TTLL7: variants seen among roughly 807,000 people sequenced by gnomAD.
TTLL7 encodes tubulin polyglutamylase TTLL7.
TTLL7 carries 53 observed loss-of-function variants against 120.2 expected under a neutral mutation model. The observed-to-expected ratio is 0.44, with a 90% CI of 0.35 to 0.55. TTLL7 has a LOEUF of 0.55. Among genes scored for constraint, TTLL7 ranks in the 20% least tolerant of loss-of-function variants. The pLI is 0.00. For synonymous variants in TTLL7, 353 were observed against 351.7 expected, an observed-to-expected ratio of 1.00 and a Z score of -0.04; for missense variants, 803 against 1,054.7, an observed-to-expected ratio of 0.76 and a Z score of 3.31.
At chr1:83,904,507 T>C (rs1657020742) in intron 17 of TTLL7, among the ~76,000 whole-genome samples, 1 of 152,040 alleles carries the variant, frequency 6.6e-6, no homozygotes, top group African/African-American at 2.4e-5. Flanking sequence ...TGGTAGTGCA[T>C]GCCTGTAATC....
chr1:83,870,367 C>T (rs1653253287), intron 20 of TTLL7, among the ~76,000 whole-genome samples: 1 of 152,182 alleles, frequency 6.6e-6, no homozygotes, highest in African/African-American at 2.4e-5. Flanking sequence ...AATTCATTAT[C>T]AGTCCTTGTA....
At chr1:83,937,377 A>AT (rs1008343546) in intron 8 of TTLL7, among the ~76,000 whole-genome samples, 11 of 151,840 alleles carry the variant, frequency 7.2e-5, no homozygotes, top group African/African-American at 2.7e-4. Context: ...AATTTTTTAT[A>AT]TTTTTGGTAA....
chr1:83,883,847 T>C (rs1654732037), intron 19 of TTLL7, among the ~76,000 whole-genome samples: 2 of 152,062 alleles, frequency 1.3e-5, no homozygotes, highest in South Asian at 2.1e-4. Context: ...CAAAACACTT[T>C]CAGACATAAC....
chr1:83,965,975 A>T (rs974038714), intron 1 of TTLL7, among the ~76,000 whole-genome samples: 13 of 152,124 alleles, frequency 8.5e-5, no homozygotes, highest in Admixed American at 2.0e-4. Flanking sequence ...AATTAAGATT[A>T]TGAATAAAGG....
In TTLL7 at chr1:83,904,003, T is replaced by A. The variant is rs956003242; in HGVS notation, c.2208+76A>T. Reference sequence around the variant, plus strand: ...AACAAATGAGCAAATATACAGTCTGTCTATGAATTTGGCTTAATGATCCTA... The same window carrying A: ...AACAAATGAGCAAATATACAGTCTGACTATGAATTTGGCTTAATGATCCTA... On this transcript the variant is annotated intron_variant, in intron 18 of 20. Coordinates refer to ENST00000260505, the MANE Select transcript of TTLL7 (RefSeq NM_024686.6). 5 of 1,068,902 alleles carry A rather than the reference T, an allele frequency of 4.7e-6. No homozygotes were observed. In the African/African-American group the frequency reaches 7.8e-5, roughly 17 times the overall value. 66.2% of individuals were successfully genotyped at this position (1,068,902 alleles called of 1,614,324 possible).
intron 10 of TTLL7, among the ~76,000 whole-genome samples, chr1:83,922,089 C>T (rs1405679739): frequency 6.6e-6 from 1 of 152,094 alleles, no homozygotes; most frequent in Non-Finnish European, 1.5e-5. Flanking sequence ...GGATTTTTCT[C>T]TCCAACCCCT....
intron 19 of TTLL7, among the ~76,000 whole-genome samples, chr1:83,884,076 C>T (rs1424244401): frequency 1.3e-5 from 2 of 151,218 alleles, no homozygotes; most frequent in Admixed American, 1.3e-4. Context: ...CCTAAGTTTA[C>T]CATCATGGCA....
At chr1:83,918,766 T>C (rs903392865) in intron 13 of TTLL7, among the ~76,000 whole-genome samples, 14 of 152,136 alleles carry the variant, frequency 9.2e-5, no homozygotes, top group Admixed American at 2.6e-4. Flanking sequence ...TAAAAAGTAA[T>C]GTAAAGAAAC....
At chr1:83,942,363 G>T in intron 7 of TTLL7, 100 bp downstream of exon 7, 2 of 954,140 alleles carry the variant, frequency 2.1e-6, no homozygotes, top group South Asian at 1.8e-5. Flanking sequence ...AACCTGAGAG[G>T]AGCAACTTTC....
rs200076199 is a variant in TTLL7 at position 83,951,959 on chromosome 1, G to A, written c.43C>T (p.Pro15Ser). The A allele has an allele frequency of 1.4e-4, 222 of 1,607,032 alleles. No homozygotes were observed. Among genetic ancestry groups the A allele is most frequent in the Middle Eastern group, 3.3e-4 (2 of 6,042 alleles). Residue 15 changes from proline (P) to serine (S), a missense_variant, in exon 3 of 21, where the codon CCC (proline) becomes TCC (serine). Around this residue, in one of 3 missense-constraint regions of TTLL7, gnomAD observed 91 missense variants for 96.6 expected, o/e 0.94. Coordinates refer to ENST00000260505, the MANE Select transcript of TTLL7 (RefSeq NM_024686.6). ...GGTAATTCTGTATTCAAATCCAGGG[G>A]AGAGGGTCCCTGAATAACTTTAAAA... ...PQEGVIQGPS[P>S]LDLNTELPYQ...
chr1:83,904,715 A>AT (rs1369511821), intron 17 of TTLL7, among the ~76,000 whole-genome samples: 13 of 152,070 alleles, frequency 8.5e-5, no homozygotes, highest in Admixed American at 7.9e-4. Flanking sequence ...CAAGAAATAG[A>AT]TTTTTCATTT....
chr1:83,975,462 G>C (rs1433759521), intron 1 of TTLL7, among the ~76,000 whole-genome samples: 1 of 152,084 alleles, frequency 6.6e-6, no homozygotes, highest in Non-Finnish European at 1.5e-5. Context: ...ACTTGTCAAA[G>C]ACTTAGACAG....
chr1:83,924,254 C>T (rs1658922549), intron 10 of TTLL7, among the ~76,000 whole-genome samples: 1 of 152,126 alleles, frequency 6.6e-6, no homozygotes, highest in Admixed American at 6.5e-5. Flanking sequence ...ATGATGATAG[C>T]ACAAAGGAGT....
intron 18 of TTLL7, among the ~76,000 whole-genome samples, chr1:83,896,421 T>C (rs1366784416): frequency 6.6e-6 from 1 of 152,062 alleles, no homozygotes; most frequent in African/African-American, 2.4e-5. Context: ...CATACAGATG[T>C]TGAATGACAA....
chr1:83,988,003 A>C (rs1182423087), intron 1 of TTLL7, among the ~76,000 whole-genome samples: 2 of 152,162 alleles, frequency 1.3e-5, no homozygotes, highest in African/African-American at 4.8e-5. Context: ...CATAGTACCC[A>C]ATTGGTAGTT....
intron 18 of TTLL7, among the ~76,000 whole-genome samples, chr1:83,891,217 T>C (rs899055604): frequency 6.6e-6 from 1 of 151,874 alleles, no homozygotes. Context: ...TCAAAACATA[T>C]ATATCCAGCA....
intron 9 of TTLL7, among the ~76,000 whole-genome samples, chr1:83,930,468 C>T (rs933275804): frequency 2.0e-5 from 3 of 152,056 alleles, no homozygotes; most frequent in Non-Finnish European, 4.4e-5. Context: ...AGCTTGAAAA[C>T]GGCAATAACA....
intron 20 of TTLL7, among the ~76,000 whole-genome samples, chr1:83,871,502 A>G (rs1006117459): frequency 6.6e-6 from 1 of 152,226 alleles, no homozygotes; most frequent in Non-Finnish European, 1.5e-5. Flanking sequence ...AGGAATTTCC[A>G]AGAGCAGAAG....
chr1:83,911,881 G>C (rs1164705708), intron 14 of TTLL7, among the ~76,000 whole-genome samples: 1 of 151,838 alleles, frequency 6.6e-6, no homozygotes, highest in African/African-American at 2.4e-5. Context: ...AGGAGAAAGA[G>C]AGACAAAAAG....
Sources: allele counts gnomAD v4.1 joint callset (sites outside exome capture counted in the v4.1 genomes callset), GRCh38; gene constraint gnomAD v4.1.1; regional missense constraint gnomAD v4.1.1; transcripts MANE v1.5; gene names NCBI Gene and HGNC (gene_info 2026-07-23, HGNC 2026-07-21).